The following PTGR1 variants were observed in gnomAD, a reference collection of about 807,000 sequenced individuals.
PTGR1 encodes the protein 15-oxoprostaglandin 13-reductase.
In PTGR1, 23 loss-of-function variants were observed where a neutral mutation model predicts 37.7. That is an observed-to-expected ratio of 0.61 (90% CI 0.44 to 0.86). The LOEUF is 0.86. PTGR1 is among the 40% of genes least tolerant of loss of function. PTGR1 has a pLI of 0.00. For missense variants in PTGR1, 351 were observed against 394.3 expected (o/e 0.89, Z 0.93); for synonymous variants, 134 against 140.0 (o/e 0.96, Z 0.30).
Position 111,564,319 on chromosome 9 carries a change from A to C in PTGR1, c.880-1088T>G, listed in dbSNP as rs1385466512. ...TATTATTATTATTATTATTATTATT[A>C]TTCTGAGACAGGGTCTCACTCTGTC... On this transcript the variant is annotated intron_variant, in intron 9 of 9. Transcript: ENST00000407693. 2.7e-5 allele frequency: 16 copies of C among 588,644 alleles called. No homozygotes were observed. The East Asian group carries it at 8.5e-4, about 31-fold the overall frequency. The allele number at this position is 588,644 out of a possible 1,614,324, so 36.5% of individuals were successfully genotyped here. A position where few individuals can be genotyped will look rare whatever the true frequency, so the allele number is the denominator to read the frequency against.
At chr9:111,561,204 AGAGTATGGT>A (rs1321728743), downstream of PTGR1, among the ~76,000 whole-genome samples, 25 of 147,252 alleles carry the variant, frequency 1.7e-4, no homozygotes, top group Middle Eastern at 7.1e-3. Flanking sequence ...TTCCTGTCCA[AGAGTATGGT>A]ACCTTTCCAT....
chr9:111,585,674 G>C (rs1476256205), intron 5 of PTGR1, among the ~76,000 whole-genome samples: 1 of 152,172 alleles, frequency 6.6e-6, no homozygotes, highest in Non-Finnish European at 1.5e-5. Context: ...ACACTGAAGT[G>C]AAATAATGTG....
At chr9:111,549,808 A>G in intron 9 of PTGR1, 3 of 1,485,768 alleles carry the variant, frequency 2.0e-6, no homozygotes, top group Non-Finnish European at 2.8e-6. Context: ...ATCTGTCAAC[A>G]CAATCAGAAC....
chr9:111,579,407 A>AT (rs1212742178), intron 6 of PTGR1, among the ~76,000 whole-genome samples: 8 of 151,664 alleles, frequency 5.3e-5, no homozygotes, highest in Non-Finnish European at 1.2e-4. Context: ...AAATGTTTAT[A>AT]TTTTTTTGAG....
intron 1 of PTGR1, among the ~76,000 whole-genome samples, chr9:111,598,836 G>GT (rs11394567): frequency 0.2 from 30,954 of 151,918 alleles, 4,159 homozygotes; most frequent in African/African-American, 0.39. Context: ...AGTTTACTCT[G>GT]TTATTTCGAA....
At chr9:111,574,703 A>C in intron 8 of PTGR1, 31 bp downstream of exon 8, 1 of 1,505,668 alleles carries the variant, frequency 6.6e-7, no homozygotes, top group Middle Eastern at 1.7e-4. Context: ...CAGCCTTGTG[A>C]CATATGGGAT....
chr9:111,566,353 C>T (rs1249549031), intron 9 of PTGR1, among the ~76,000 whole-genome samples: 1 of 152,196 alleles, frequency 6.6e-6, no homozygotes, highest in Non-Finnish European at 1.5e-5. Context: ...CCAACTGGGA[C>T]AACTTAGATT....
intron 3 of PTGR1, 89 bp downstream of exon 3, chr9:111,594,133 T>G (rs2132440456): frequency 7.7e-7 from 1 of 1,301,040 alleles, no homozygotes; most frequent in East Asian, 2.3e-5. Context: ...TGACAATGTT[T>G]TAAGTCAGTT....
At chr9:111,585,750 A>C (rs909770950) in intron 5 of PTGR1, among the ~76,000 whole-genome samples, 4 of 152,186 alleles carry the variant, frequency 2.6e-5, no homozygotes, top group Non-Finnish European at 2.9e-5. Context: ...GTCACAAATG[A>C]CAAGATTTTC....
chr9:111,552,464 C>T (rs1827997885), intron 9 of PTGR1, among the ~76,000 whole-genome samples: 1 of 152,134 alleles, frequency 6.6e-6, no homozygotes, highest in African/African-American at 2.4e-5. Context: ...AAAAGTTATC[C>T]TCTTGCTTTA....
chr9:111,580,742 C>T (rs1451796872), intron 6 of PTGR1, among the ~76,000 whole-genome samples: 3 of 138,910 alleles, frequency 2.2e-5, no homozygotes, highest in South Asian at 2.3e-4. Flanking sequence ...ACAACAAGAG[C>T]GAAACTCCAT....
chr9:111,579,440 A>G (rs748668119), intron 6 of PTGR1, among the ~76,000 whole-genome samples: 12 of 152,160 alleles, frequency 7.9e-5, no homozygotes, highest in Non-Finnish European at 1.5e-4. Flanking sequence ...TCTGTTGCCC[A>G]GGCTGGAGTG....
downstream of PTGR1, among the ~76,000 whole-genome samples, chr9:111,561,110 T>TATATATATAGAG (rs1457364862): frequency 2.6e-3 from 50 of 19,190 alleles, 2 homozygotes; most frequent in Non-Finnish European, 3.3e-3. Context: ...TATATATATA[T>TATATATATAGAG]AGAGAGAGAG....
chr9:111,552,787 T>G (rs1828007774), intron 9 of PTGR1, among the ~76,000 whole-genome samples: 1 of 151,962 alleles, frequency 6.6e-6, no homozygotes, highest in African/African-American at 2.4e-5. Context: ...TAATTGGTCT[T>G]TATTATTAAA....
chr9:111,550,935 A>G (rs567280277), intron 9 of PTGR1, among the ~76,000 whole-genome samples: 28 of 152,176 alleles, frequency 1.8e-4, no homozygotes, highest in Non-Finnish European at 3.7e-4. Flanking sequence ...TCTGTCTCTC[A>G]CACTGGAGGC....
rs537674676 is a variant in PTGR1 at position 111,594,221 on chromosome 9, C to T, written c.152+1G>A. 4 of 1,612,042 alleles carry T rather than the reference C, an allele frequency of 2.5e-6. No individual in the cohort carries two copies. The highest frequency in any genetic ancestry group is 3.4e-6 in the Non-Finnish European group (4 of 1,178,218). On this transcript the variant is annotated splice_donor_variant, in intron 3 of 9. Transcript: ENST00000407693. LOFTEE classifies it high-confidence loss of function. ...ATTTTGAGGGGCGAAATAAATAATA[C>T]CTCATGTAGGGATCCACGGTGAGGA...
intron 4 of PTGR1, among the ~76,000 whole-genome samples, chr9:111,586,785 C>CTCTT (rs1212223077): frequency 1.4e-5 from 2 of 143,070 alleles, no homozygotes; most frequent in Admixed American, 6.9e-5. Flanking sequence ...CTTTTCCACT[C>CTCTT]TCTCTCTCTC....
chr9:111,555,164 ATCC>A (rs1828085549), intron 9 of PTGR1, among the ~76,000 whole-genome samples: 2 of 151,926 alleles, frequency 1.3e-5, no homozygotes, highest in Non-Finnish European at 2.9e-5. Context: ...TCTTATTTCC[ATCC>A]TCCTCCAGGC....
At chr9:111,598,241 C>G (rs1482144692) in intron 1 of PTGR1, among the ~76,000 whole-genome samples, 4 of 152,158 alleles carry the variant, frequency 2.6e-5, no homozygotes, top group Admixed American at 2.6e-4. Flanking sequence ...AAGGCTGCCC[C>G]GAGCTGGGGG....
Sources: allele counts gnomAD v4.1 joint callset (sites outside exome capture counted in the v4.1 genomes callset), GRCh38; gene constraint gnomAD v4.1.1; transcripts MANE v1.5; gene names NCBI Gene and HGNC (gene_info 2026-07-23, HGNC 2026-07-21).